NLGN1: variants seen among roughly 807,000 people sequenced by gnomAD.
The protein encoded by NLGN1 is neuroligin 1.
NLGN1 carries 12 observed loss-of-function variants against 65.5 expected under a neutral mutation model. The ratio of observed to expected loss-of-function variants is 0.18; its 90% CI spans 0.12 to 0.30. NLGN1 has a LOEUF of 0.30. Ranked by LOEUF, NLGN1 falls within the 10% of genes least tolerant of loss-of-function variation. NLGN1 has a pLI of 1.00. For missense variants in NLGN1, 750 were observed against 1,007.1 expected (o/e 0.74, Z 3.46); for synonymous variants, 350 against 359.5 (o/e 0.97, Z 0.30).
At chr3:173,403,329 TA>T (rs1718052751) in intron 1 of NLGN1, among the ~76,000 whole-genome samples, 1 of 152,176 alleles carries the variant, frequency 6.6e-6, no homozygotes, top group South Asian at 2.1e-4. Flanking sequence ...AAACTATAGT[TA>T]AATCAGAGGA....
intron 2 of NLGN1, among the ~76,000 whole-genome samples, chr3:173,500,636 C>T (rs187289804): frequency 1.3e-5 from 2 of 152,190 alleles, no homozygotes; most frequent in Admixed American, 1.3e-4. Flanking sequence ...GGTACCAGCT[C>T]CTCTTTGTAC....
At chr3:173,788,833 T>TAA (rs3979635) in intron 3 of NLGN1, among the ~76,000 whole-genome samples, 16 of 53,534 alleles carry the variant, frequency 3.0e-4, no homozygotes, top group Admixed American at 8.5e-4. Flanking sequence ...AGACCTCATT[T>TAA]AAAAAAAAAA....
chr3:174,044,179 C>T (rs1733001863), intron 4 of NLGN1, among the ~76,000 whole-genome samples: 2 of 152,282 alleles, frequency 1.3e-5, no homozygotes, highest in African/African-American at 2.4e-5. Flanking sequence ...TGGCCCACAA[C>T]ACCATTGTTT....
At chr3:173,860,563 A>G (rs909676290) in intron 4 of NLGN1, among the ~76,000 whole-genome samples, 6 of 152,186 alleles carry the variant, frequency 3.9e-5, no homozygotes, top group Non-Finnish European at 8.8e-5. Context: ...TACAGTAGGA[A>G]GAAAAATGAG....
chr3:173,881,944 G>T (rs1399697145), intron 4 of NLGN1, among the ~76,000 whole-genome samples: 2 of 152,078 alleles, frequency 1.3e-5, no homozygotes, highest in Non-Finnish European at 2.9e-5. Context: ...CACTCTCTAT[G>T]ACATCTATAA....
intron 4 of NLGN1, among the ~76,000 whole-genome samples, chr3:173,997,235 A>C (rs1030983837): frequency 6.6e-6 from 1 of 152,106 alleles, no homozygotes; most frequent in African/African-American, 2.4e-5. Context: ...ATGGGACTTC[A>C]GTACACTTTT....
intron 4 of NLGN1, among the ~76,000 whole-genome samples, chr3:173,857,523 A>G (rs148374583): frequency 2.0e-3 from 302 of 152,186 alleles, no homozygotes; most frequent in African/African-American, 7.1e-3. Flanking sequence ...ACCCAACACA[A>G]TGGACAATAT....
At position 173,901,364 on chromosome 3, in the gene NLGN1, T is replaced by TG. The variant is rs1491107100; in HGVS notation, c.646+93539dup. On this transcript the variant is annotated intron_variant, in intron 4 of 6. Transcript: ENST00000457714. The stretch of plus-strand genomic sequence containing the variant: ...ATATTTGAAAAACTAGTATTTTTTT[T>TG]GGGGGGGTGTGTGTGTGTGTGTTTA... Among the ~76,000 whole-genome samples, 202 of 133,668 alleles carry TG rather than the reference T, an allele frequency of 1.5e-3. 1 individual carries two copies. Among genetic ancestry groups the TG allele is most frequent in the African/African-American group, 5.3e-3 (194 of 36,858 alleles). The allele number at this position is 133,668 out of a possible 152,430, so 87.7% of individuals were successfully genotyped here. A position where few individuals can be genotyped will look rare whatever the true frequency, so the allele number is the denominator to read the frequency against.
At chr3:174,254,659 G>A (rs1489289870) in intron 4 of NLGN1, among the ~76,000 whole-genome samples, 1 of 151,856 alleles carries the variant, frequency 6.6e-6, no homozygotes, top group Non-Finnish European at 1.5e-5. Flanking sequence ...GTCAGGAATG[G>A]TAGATACAAT....
intron 4 of NLGN1, among the ~76,000 whole-genome samples, chr3:174,039,195 C>T (rs1047172340): frequency 6.6e-6 from 1 of 151,908 alleles, no homozygotes; most frequent in African/African-American, 2.4e-5. Flanking sequence ...CCAGTTGCCT[C>T]ATACATTTTA....
chr3:173,909,869 G>C (rs933204348), intron 4 of NLGN1, among the ~76,000 whole-genome samples: 2 of 152,004 alleles, frequency 1.3e-5, no homozygotes, highest in Non-Finnish European at 2.9e-5. Context: ...GTAGAGACGG[G>C]GTTTCTCCAC....
chr3:173,824,198 T>C (rs73880590), intron 4 of NLGN1, among the ~76,000 whole-genome samples: 2,241 of 152,184 alleles, frequency 0.015, 70 homozygotes, highest in African/African-American at 0.052. Flanking sequence ...ACTTGTAAAA[T>C]AGGATTAAAT....
chr3:173,856,188 A>G (rs1212175089), intron 4 of NLGN1, among the ~76,000 whole-genome samples: 1 of 152,150 alleles, frequency 6.6e-6, no homozygotes, highest in Admixed American at 6.6e-5. Context: ...TGAATGCTGC[A>G]GAGACTTCAC....
At chr3:173,915,649 A>G (rs1316876764) in intron 4 of NLGN1, among the ~76,000 whole-genome samples, 3 of 152,206 alleles carry the variant, frequency 2.0e-5, no homozygotes, top group African/African-American at 2.4e-5. Context: ...TCTGTAATCT[A>G]TACGGATACT....
At chr3:174,006,201 C>G (rs1181345143) in intron 4 of NLGN1, among the ~76,000 whole-genome samples, 1 of 152,182 alleles carries the variant, frequency 6.6e-6, no homozygotes, top group Admixed American at 6.5e-5. Context: ...TTGGCTCACT[C>G]CAGGACTTTC....
chr3:174,266,367 G>A lies in NLGN1; in HGVS notation c.647-8948G>A, dbSNP rs868519513. Among the ~76,000 whole-genome samples, 15 of 152,160 alleles carry A rather than the reference G, an allele frequency of 9.9e-5. No individual in the cohort carries two copies. In the East Asian group the frequency reaches 1.9e-3, roughly 20 times the overall value. On this transcript the variant is annotated intron_variant, in intron 4 of 6. Transcript: ENST00000457714. ...GATAATGGCTTCAAGCTCCATCCAC[G>A]TTGCTGCAAAAGTCATGATTTTGTT...
At chr3:174,026,155 G>C (rs923792975) in intron 4 of NLGN1, among the ~76,000 whole-genome samples, 1 of 151,894 alleles carries the variant, frequency 6.6e-6, no homozygotes, top group African/African-American at 2.4e-5. Context: ...TTGAGACAAG[G>C]TCTCTCTGTC....
intron 2 of NLGN1, among the ~76,000 whole-genome samples, chr3:173,487,369 A>G (rs1224269766): frequency 6.6e-6 from 1 of 151,736 alleles, no homozygotes; most frequent in Non-Finnish European, 1.5e-5. Context: ...TTAAATCCTT[A>G]GTATTTATTA....
intron 4 of NLGN1, among the ~76,000 whole-genome samples, chr3:174,042,551 A>G (rs181226121): frequency 2.4e-4 from 36 of 152,322 alleles, no homozygotes; most frequent in Admixed American, 4.6e-4. Flanking sequence ...ATCAAGGGAC[A>G]TGAGTCCGAA....
Sources: gnomAD v4.1 joint callset for allele counts (sites outside exome capture counted in the v4.1 genomes callset) on GRCh38, gnomAD v4.1.1 for gene constraint, MANE v1.5 for transcripts, NCBI Gene and HGNC (gene_info 2026-07-23, HGNC 2026-07-21) for gene names.